Variants in RAB37 observed in about 807,000 individuals in gnomAD.
RAB37 encodes the protein ras-related protein Rab-37.
RAB37 carries 29 observed loss-of-function variants against 33.1 expected under a neutral mutation model. The ratio of observed to expected loss-of-function variants is 0.88; its 90% CI spans 0.65 to 1.20. The LOEUF is 1.20. RAB37 is among the 50% of genes most tolerant of loss of function. The pLI is 0.00. For missense variants in RAB37, 299 were observed against 301.1 expected (o/e 0.99, Z 0.05); for synonymous variants, 128 against 119.5 (o/e 1.07, Z -0.47).
intron 1 of RAB37, among the ~76,000 whole-genome samples, chr17:74,703,601 G>C (rs2033254863): frequency 6.6e-6 from 1 of 152,192 alleles, no homozygotes; most frequent in Non-Finnish European, 1.5e-5. Flanking sequence ...CTTTGGGCAA[G>C]TTACAAAACT....
At chr17:74,720,957 G>A (rs115946450) in intron 1 of RAB37, among the ~76,000 whole-genome samples, 219 of 152,276 alleles carry the variant, frequency 1.4e-3, no homozygotes, top group African/African-American at 4.7e-3. Context: ...GGAGATAACC[G>A]GGCTCCTCTC....
At position 74,742,248 on chromosome 17, in the gene RAB37, T is replaced by C; in HGVS notation, c.205-6T>C. The C allele has an allele frequency of 6.2e-7, 1 of 1,613,152 alleles. No homozygotes were observed. Among genetic ancestry groups the C allele is most frequent in the Non-Finnish European group, 8.5e-7 (1 of 1,179,458 alleles). ...CCCTCCCATCCTCTGCCTTTTTCTC[T>C]TTCAGAACAAGGTGGTGACTGTGGA... On this transcript the variant is annotated splice_region_variant and splice_polypyrimidine_tract_variant and intron_variant, in intron 2 of 8. Coordinates refer to ENST00000392613, the MANE Select transcript of RAB37 (RefSeq NM_001006638.3). The surrounding 1 kb of genome is among the most constrained non-coding windows in gnomAD (Gnocchi z 4.0).
chr17:74,737,131 T>A (rs1406162293), upstream of RAB37: 1 of 1,586,092 alleles, frequency 6.3e-7, no homozygotes, highest in Non-Finnish European at 8.6e-7. Context: ...CGAGCCGGTG[T>A]CGTCGAGGGG....
At chr17:74,689,505 C>T (rs1374191395) in intron 1 of RAB37, among the ~76,000 whole-genome samples, 4 of 151,994 alleles carry the variant, frequency 2.6e-5, no homozygotes, top group Admixed American at 1.3e-4. Context: ...TTATGAGTTC[C>T]GGGTTTAACA....
chr17:74,742,979 A>C lies in RAB37; in HGVS notation c.247-150A>C. The C allele has an allele frequency of 1.4e-6, 1 of 695,510 alleles. No individual in the cohort carries two copies. The highest frequency in any genetic ancestry group is 2.5e-5 in the East Asian group (1 of 39,962). 43.1% of individuals were successfully genotyped at this position (695,510 alleles called of 1,614,324 possible). Reference sequence around the variant, plus strand: ...ATCAGTAACTGCTACTGTCCAGGTCATTGGATGCTCAGGGGCTCATGAGAA... The same window carrying C: ...ATCAGTAACTGCTACTGTCCAGGTCCTTGGATGCTCAGGGGCTCATGAGAA... On this transcript the variant is annotated intron_variant, in intron 3 of 8. Transcript: ENST00000392613. This position sits in a 1 kb window ranked among gnomAD's most constrained non-coding sequence, Gnocchi z 4.0.
At chr17:74,728,373 TTTTG>T (rs1317362559) in intron 1 of RAB37, among the ~76,000 whole-genome samples, 1 of 150,776 alleles carries the variant, frequency 6.6e-6, no homozygotes, top group Non-Finnish European at 1.5e-5. Flanking sequence ...GTGTAGATGT[TTTTG>T]TGTGTATGTG....
At chr17:74,733,022 G>C (rs115761248), upstream of RAB37, among the ~76,000 whole-genome samples, 1 of 152,104 alleles carries the variant, frequency 6.6e-6, no homozygotes, top group African/African-American at 2.4e-5. Context: ...AGAGGTGTTG[G>C]GGGTCATTTA....
At chr17:74,702,134 G>C (rs2033111235) in intron 1 of RAB37, among the ~76,000 whole-genome samples, 1 of 152,092 alleles carries the variant, frequency 6.6e-6, no homozygotes, top group African/African-American at 2.4e-5. Flanking sequence ...CCTCCCATAG[G>C]GATTTTGTGG....
chr17:74,697,602 C>T (rs1337858396), intron 1 of RAB37, among the ~76,000 whole-genome samples: 1 of 152,096 alleles, frequency 6.6e-6, no homozygotes, highest in African/African-American at 2.4e-5. Flanking sequence ...GAGTTAGGAC[C>T]CAGCTGTTCT....
chr17:74,688,422 A>T (rs2032096160), intron 1 of RAB37, among the ~76,000 whole-genome samples: 1 of 151,920 alleles, frequency 6.6e-6, no homozygotes, highest in South Asian at 2.1e-4. Context: ...GCATGGTGGC[A>T]GGTGCCTGTA....
chr17:74,736,473 A>T (rs2034476287), upstream of RAB37: 3 of 1,358,930 alleles, frequency 2.2e-6, no homozygotes, highest in Non-Finnish European at 2.9e-6. Flanking sequence ...GCTCAAAATG[A>T]TCTACGACTT....
chr17:74,690,660 A>T (rs2032142218), intron 1 of RAB37, among the ~76,000 whole-genome samples: 1 of 152,088 alleles, frequency 6.6e-6, no homozygotes, highest in Admixed American at 6.6e-5. Flanking sequence ...TCTAAACTCT[A>T]GCTCAGGCTT....
In RAB37 at chr17:74,676,697, A is replaced by G. The variant is rs1234039136; in HGVS notation, c.72+5039A>G. On this transcript the variant is annotated intron_variant, in intron 1 of 7. Coordinates refer to the RAB37 transcript ENST00000340415. This position sits in a 1 kb window ranked among gnomAD's most constrained non-coding sequence, Gnocchi z 4.1. ...ACGCAAATGATTCCCACCTTCACTA[A>G]GCCTGTGGCCTAGAAGGCATGCACA... 6.6e-6 allele frequency among the ~76,000 whole-genome samples: 1 copy of G among 152,184 alleles called. No individual in the cohort carries two copies. The highest frequency in any genetic ancestry group is 1.9e-4 in the East Asian group (1 of 5,198).
chr17:74,738,270 G>A lies in RAB37; in HGVS notation c.93+905G>A, dbSNP rs115328192. Among the ~76,000 whole-genome samples the A allele has an allele frequency of 8.6e-3, 1,302 of 152,242 alleles. 18 individuals carry two copies. Among genetic ancestry groups the A allele is most frequent in the African/African-American group, 0.029 (1,215 of 41,530 alleles). On this transcript the variant is annotated intron_variant, in intron 1 of 8. Coordinates refer to ENST00000392613, the MANE Select transcript of RAB37 (RefSeq NM_001006638.3). This position sits in a 1 kb window ranked among gnomAD's most constrained non-coding sequence, Gnocchi z 5.0. ...CTCTCTGGGCCTCGGTTTCCTCCCC[G>A]ACACCAGGGCTCACCCTTGCTGGGA...
rs2034709477 is a variant in RAB37 at position 74,744,752 on chromosome 17, C to T, written c.433-121C>T. ...AGAAACCCTGGCCCCAGGCCAATCACACCTGCCTGCAGTCCCTTGGGCCAC... is the reference window on the plus strand; with the variant it reads ...AGAAACCCTGGCCCCAGGCCAATCATACCTGCCTGCAGTCCCTTGGGCCAC... On this transcript the variant is annotated intron_variant, in intron 6 of 8. Coordinates refer to ENST00000392613, the MANE Select transcript of RAB37 (RefSeq NM_001006638.3). The surrounding 1 kb of genome is among the most constrained non-coding windows in gnomAD (Gnocchi z 4.2). The T allele has an allele frequency of 8.4e-7, 1 of 1,189,738 alleles. No individual in the cohort carries two copies. The highest frequency in any genetic ancestry group is 1.7e-5 in the Admixed American group (1 of 57,956). 73.7% of individuals were successfully genotyped at this position (1,189,738 alleles called of 1,614,324 possible). A position where few individuals can be genotyped will look rare whatever the true frequency, so the allele number is the denominator to read the frequency against.
chr17:74,678,062 TG>T (rs1191673486), intron 1 of RAB37, among the ~76,000 whole-genome samples: 1 of 152,188 alleles, frequency 6.6e-6, no homozygotes, highest in Non-Finnish European at 1.5e-5. Context: ...GGAGAATTGT[TG>T]AAGTGGGCAT....
intron 1 of RAB37, among the ~76,000 whole-genome samples, chr17:74,687,422 C>T (rs551194868): frequency 1.3e-5 from 2 of 151,976 alleles, no homozygotes; most frequent in Non-Finnish European, 2.9e-5. Flanking sequence ...TGGGGTTTCA[C>T]CATGTTGGCC....
intron 1 of RAB37, chr17:74,704,466 A>G (rs768091668): frequency 6.3e-7 from 1 of 1,589,588 alleles, no homozygotes; most frequent in Non-Finnish European, 8.6e-7. Context: ...ACATATATAC[A>G]CTCCCTCTTA....
At position 74,745,250 on chromosome 17, in the gene RAB37, C is replaced by T; in HGVS notation, c.567-56C>T. 1.3e-6 allele frequency: 2 copies of T among 1,566,428 alleles called. No individual in the cohort carries two copies. Among genetic ancestry groups the T allele is most frequent in the Non-Finnish European group, 8.8e-7 (1 of 1,137,628 alleles). On this transcript the variant is annotated intron_variant, in intron 8 of 8. Transcript: ENST00000392613. This position sits in a 1 kb window ranked among gnomAD's most constrained non-coding sequence, Gnocchi z 4.5. ...CACTGGGAGAGGGGAGGGGGCGGCT[C>T]AGCTCCTCACCCCAGCCCAGCCCAG... is the stretch of plus-strand genomic sequence containing the variant.
Sources: gnomAD v4.1 joint callset for allele counts (sites outside exome capture counted in the v4.1 genomes callset) on GRCh38, gnomAD v4.1.1 for gene constraint, Gnocchi (gnomAD v3.1) non-coding constraint, MANE v1.5 for transcripts, NCBI Gene and HGNC (gene_info 2026-07-23, HGNC 2026-07-21) for gene names.